Variants in GPHN observed in about 807,000 individuals in gnomAD.
The protein encoded by GPHN is gephyrin.
GPHN carries 17 observed loss-of-function variants against 95.5 expected under a neutral mutation model. The observed-to-expected ratio is 0.18, with a 90% CI of 0.12 to 0.27. GPHN has a LOEUF of 0.27. Among genes scored for constraint, GPHN ranks in the 10% least tolerant of loss-of-function variants. GPHN has a pLI of 1.00. For synonymous variants in GPHN, 320 were observed against 322.5 expected, an observed-to-expected ratio of 0.99 and a Z score of 0.08; for missense variants, 660 against 978.1, an observed-to-expected ratio of 0.67 and a Z score of 4.34.
chr14:67,387,467 A>T, the GPHN span: 2 of 1,597,014 alleles, frequency 1.3e-6, no homozygotes, highest in Non-Finnish European at 1.7e-6. Context: ...CTAGGCAGAA[A>T]AAAGGGGGAA....
chr14:67,687,937 A>T, the GPHN span, among the ~76,000 whole-genome samples: 1 of 151,084 alleles, frequency 6.6e-6, no homozygotes, highest in Admixed American at 6.6e-5. Context: ...ACACCTGGCT[A>T]ATTTTTGTAT....
intron 17 of GPHN, among the ~76,000 whole-genome samples, chr14:67,138,629 A>G (rs1393705689): frequency 6.6e-6 from 1 of 152,252 alleles, no homozygotes; most frequent in South Asian, 2.1e-4. Flanking sequence ...TGAGCGATGG[A>G]TACATGGGTG....
At position 66,779,669 on chromosome 14, in the gene GPHN, T is replaced by C. The variant is rs557812319; in HGVS notation, c.201+3148T>C. On this transcript the variant is annotated intron_variant, in intron 3 of 22. Transcript: ENST00000478722. ...TTTCCAAGAGGTAACCCCCAGGAAA[T>C]TGGAGTTTTATACAGAAGCATAGAC... Among the ~76,000 whole-genome samples, 148 of 151,886 alleles carry C rather than the reference T, an allele frequency of 9.7e-4. 1 individual carries two copies. Among genetic ancestry groups the C allele is most frequent in the Non-Finnish European group, 2.0e-3 (135 of 67,906 alleles).
At chr14:66,702,760 AT>A in intron 2 of GPHN, among the ~76,000 whole-genome samples, 1 of 152,268 alleles carries the variant, frequency 6.6e-6, no homozygotes, top group Admixed American at 6.5e-5. Flanking sequence ...CCAAATGATT[AT>A]AACAACAGCA....
the GPHN span, among the ~76,000 whole-genome samples, chr14:67,246,649 G>GTTT: frequency 1.9e-3 from 208 of 112,198 alleles, 6 homozygotes; most frequent in African/African-American, 4.0e-3. Flanking sequence ...CCTACTATAG[G>GTTT]TTTTTTTTTT....
chr14:66,642,559 G>GTTTTGTTT (rs2064478035), intron 1 of GPHN, among the ~76,000 whole-genome samples: 1 of 139,898 alleles, frequency 7.1e-6, no homozygotes, highest in African/African-American at 2.6e-5. Flanking sequence ...TTTGATTTTT[G>GTTTTGTTT]TTTTTTTTTT....
chr14:67,406,376 G>T, the GPHN span, among the ~76,000 whole-genome samples: 1 of 152,166 alleles, frequency 6.6e-6, no homozygotes, highest in South Asian at 2.1e-4. Context: ...GTGGGGTTAG[G>T]TACATTCCCA....
At chr14:67,608,394 A>G in the GPHN span, among the ~76,000 whole-genome samples, 2 of 152,236 alleles carry the variant, frequency 1.3e-5, no homozygotes, top group African/African-American at 2.4e-5. Context: ...TAAGGTATAC[A>G]GGAGGATTGC....
chr14:67,184,908 TAGAAG>T (rs1344426539), downstream of GPHN, among the ~76,000 whole-genome samples: 2 of 152,018 alleles, frequency 1.3e-5, no homozygotes, highest in African/African-American at 2.4e-5. Flanking sequence ...AAACAGTTTG[TAGAAG>T]AGAAGAGAAG....
At chr14:67,239,659 C>A in the GPHN span, among the ~76,000 whole-genome samples, 2 of 152,128 alleles carry the variant, frequency 1.3e-5, no homozygotes, top group Non-Finnish European at 2.9e-5. Context: ...TGTTCAAGAC[C>A]AGCTTGGCCA....
At chr14:66,818,364 G>C (rs1007850039) in intron 3 of GPHN, among the ~76,000 whole-genome samples, 2 of 152,060 alleles carry the variant, frequency 1.3e-5, no homozygotes, top group African/African-American at 2.4e-5. Context: ...TTGGCTTTCT[G>C]TTCCTGCATT....
chr14:67,250,248 C>G, the GPHN span, among the ~76,000 whole-genome samples: 1 of 152,120 alleles, frequency 6.6e-6, no homozygotes, highest in South Asian at 2.1e-4. Context: ...AGTTTTAGTT[C>G]TTAAAATTTT....
chr14:66,863,042 G>A (rs2063089303), intron 4 of GPHN, among the ~76,000 whole-genome samples: 2 of 151,992 alleles, frequency 1.3e-5, no homozygotes, highest in South Asian at 4.2e-4. Flanking sequence ...AATTATTCTT[G>A]TTTTCAGATG....
At chr14:66,583,163 T>G (rs886909683) in intron 1 of GPHN, among the ~76,000 whole-genome samples, 6 of 152,114 alleles carry the variant, frequency 3.9e-5, no homozygotes, top group Non-Finnish European at 4.4e-5. Flanking sequence ...TCATGTGTTT[T>G]TTGGCTGCAT....
chr14:67,719,072 AAG>A, the GPHN span, among the ~76,000 whole-genome samples: 15 of 152,350 alleles, frequency 9.8e-5, no homozygotes, highest in Admixed American at 4.6e-4. Context: ...ATGCTTTTAT[AAG>A]ACTGTTTAGG....
chr14:67,198,342 A>G, the GPHN span: 1 of 1,596,104 alleles, frequency 6.3e-7, no homozygotes, highest in Non-Finnish European at 8.5e-7. Context: ...TCAAGGCCTG[A>G]GTTAAGTTCC....
the GPHN span, among the ~76,000 whole-genome samples, chr14:67,462,105 G>A: frequency 9.8e-5 from 15 of 152,336 alleles, no homozygotes; most frequent in Non-Finnish European, 1.8e-4. Context: ...TGTAACAGGC[G>A]AGGTCTCCTG....
chr14:67,483,311 G>C, the GPHN span, among the ~76,000 whole-genome samples: 1 of 152,092 alleles, frequency 6.6e-6, no homozygotes, highest in Non-Finnish European at 1.5e-5. Flanking sequence ...ACACCTGGCC[G>C]AGCCTACATT....
intron 2 of GPHN, among the ~76,000 whole-genome samples, chr14:66,728,374 A>G (rs1466652983): frequency 6.6e-6 from 1 of 152,168 alleles, no homozygotes; most frequent in African/African-American, 2.4e-5. Flanking sequence ...TGTCCTCCAG[A>G]CTTCAGAATA....
Sources: allele counts gnomAD v4.1 joint callset (sites outside exome capture counted in the v4.1 genomes callset), GRCh38; gene constraint gnomAD v4.1.1; transcripts MANE v1.5; gene names NCBI Gene and HGNC (gene_info 2026-07-23, HGNC 2026-07-21).